The following SCNN1G variants were observed in gnomAD, a reference collection of about 807,000 sequenced individuals.
SCNN1G encodes sodium channel epithelial 1 subunit gamma.
A neutral mutation model predicts 64.6 loss-of-function variants in SCNN1G; 27 were observed. The observed-to-expected ratio is 0.42, with a 90% CI of 0.31 to 0.58. The LOEUF (loss-of-function observed/expected upper bound fraction) is 0.58, where lower values mean the gene tolerates loss of function less well. SCNN1G is among the 20% of genes least tolerant of loss of function. The pLI, the probability that SCNN1G is intolerant of heterozygous loss-of-function variation, is 0.18. For synonymous variants in SCNN1G, 330 were observed against 314.2 expected, an observed-to-expected ratio of 1.05 and a Z score of -0.53; for missense variants, 743 against 823.4, an observed-to-expected ratio of 0.90 and a Z score of 1.19.
chr16:23,184,457 T>G (rs982882106), intron 1 of SCNN1G, among the ~76,000 whole-genome samples: 11 of 152,138 alleles, frequency 7.2e-5, no homozygotes, highest in African/African-American at 2.7e-4. Flanking sequence ...TGGATTGTAG[T>G]GAGGGAGGAG....
intron 7 of SCNN1G, among the ~76,000 whole-genome samples, chr16:23,211,821 AAAAT>A (rs1303994573): frequency 6.6e-6 from 1 of 152,178 alleles, no homozygotes; most frequent in African/African-American, 2.4e-5. Context: ...AAAAACATAA[AAAAT>A]AAAAATAATA....
rs192906854 is a variant in SCNN1G, at chr16:23,192,998, G to A, written c.809+456G>A. Among the ~76,000 whole-genome samples, 815 of 149,790 alleles carry A rather than the reference G, an allele frequency of 5.4e-3. 4 individuals are homozygous for A. Among genetic ancestry groups the A allele is most frequent in the Middle Eastern group, 0.031 (9 of 294 alleles). The stretch of plus-strand genomic sequence containing the variant: ...GCAGAAGAATCGCTTGAACCCGGGA[G>A]GCGGAGGTTGCAATAAGCCAAGATT... On this transcript the variant is annotated intron_variant, in intron 4 of 12. Transcript: ENST00000300061.
chr16:23,214,894 G>A lies in SCNN1G; in HGVS notation c.1569+107G>A. 2.7e-6 allele frequency: 3 copies of A among 1,129,770 alleles called. No homozygotes were observed. In the South Asian group the frequency reaches 3.8e-5, roughly 14 times the overall value. 70.0% of individuals were successfully genotyped at this position (1,129,770 alleles called of 1,614,324 possible). ...GGTAGGGGGTTCCAGCCTACTCTAG[G>A]AGGGCTGTTGTAGGCTAGCCAGGTC... On this transcript the variant is annotated intron_variant, in intron 12 of 12. Transcript: ENST00000300061.
chr16:23,186,466 C>G lies in SCNN1G; in HGVS notation c.195C>G (p.Ala65=), dbSNP rs770267415. 1.2e-6 allele frequency: 2 copies of G among 1,614,152 alleles called. No homozygotes were observed. Among genetic ancestry groups the G allele is most frequent in the East Asian group, 2.2e-5 (1 of 44,872 alleles). Residue 65 remains alanine, a synonymous_variant, in exon 2 of 13, where the codon GCC becomes GCG. Coordinates refer to ENST00000300061, the MANE Select transcript of SCNN1G (RefSeq NM_001039.4). ...LWIGFTLTAV[A]LILWQCALLV... is the part of the protein sequence containing the mutation. ...TCGGGTTCACACTGACTGCCGTGGC[C>G]CTCATCCTCTGGCAGTGCGCCCTCC...
At chr16:23,184,397 G>A (rs1324806983) in intron 1 of SCNN1G, among the ~76,000 whole-genome samples, 5 of 151,888 alleles carry the variant, frequency 3.3e-5, no homozygotes, top group African/African-American at 9.7e-5. Flanking sequence ...ACAAACTCTC[G>A]CTAATTTTTT....
At chr16:23,194,001 C>T (rs1002665907) in intron 4 of SCNN1G, among the ~76,000 whole-genome samples, 170 bp from the exon 5 acceptor site, 3 of 152,208 alleles carry the variant, frequency 2.0e-5, no homozygotes, top group African/African-American at 7.2e-5. Flanking sequence ...GTGTGTCAAC[C>T]AGGATGAGGG....
intron 12 of SCNN1G, 42 bp downstream of exon 12, chr16:23,214,829 C>T: frequency 1.4e-6 from 2 of 1,481,318 alleles, no homozygotes; most frequent in Non-Finnish European, 1.9e-6. Context: ...CCTGGGCCTA[C>T]AAATGTGAGC....
chr16:23,212,050 G>C lies in SCNN1G; in HGVS notation c.1193G>C (p.Cys398Ser). The change falls in exon 8 of 13, where the codon TGC becomes TCC. Residue 398 changes from cysteine to serine, a missense_variant. Coordinates refer to ENST00000300061, the MANE Select transcript of SCNN1G (RefSeq NM_001039.4). ...AYSLQICLHS[C>S]FQTKMVEKCG... ...CTCTTTCAGATCTGCCTTCATTCATGCTTCCAGACAAAGATGGTGGAGAAA... is the reference window on the plus strand; with the variant it reads ...CTCTTTCAGATCTGCCTTCATTCATCCTTCCAGACAAAGATGGTGGAGAAA... 6.2e-7 allele frequency: 1 copy of C among 1,613,306 alleles called. No homozygotes were observed. The highest frequency in any genetic ancestry group is 1.1e-5 in the South Asian group (1 of 91,072).
chr16:23,207,697 C>T (rs1960012439), intron 6 of SCNN1G, among the ~76,000 whole-genome samples: 2 of 152,140 alleles, frequency 1.3e-5, no homozygotes, highest in African/African-American at 4.8e-5. Flanking sequence ...GCCACTTTCC[C>T]CTTTGTTTGC....
chr16:23,213,186 C>T (rs772046825), intron 11 of SCNN1G, 23 bp downstream of exon 11: 3 of 1,581,406 alleles, frequency 1.9e-6, no homozygotes, highest in Non-Finnish European at 2.6e-6. Flanking sequence ...TACCCTGTTC[C>T]TCTGTCTCTT....
chr16:23,211,208 T>C (rs1176753182), intron 7 of SCNN1G, among the ~76,000 whole-genome samples: 1 of 152,242 alleles, frequency 6.6e-6, no homozygotes, highest in African/African-American at 2.4e-5. Flanking sequence ...GTAACTTGCA[T>C]GATGCCAAAC....
At chr16:23,182,989 C>A (rs1959544936) in intron 1 of SCNN1G, among the ~76,000 whole-genome samples, 176 bp downstream of exon 1, 2 of 152,196 alleles carry the variant, frequency 1.3e-5, no homozygotes, top group Non-Finnish European at 2.9e-5. Context: ...TAGCGGCCAG[C>A]TCTCCCGGGT....
chr16:23,187,231 C>G (rs1489631856), intron 2 of SCNN1G, among the ~76,000 whole-genome samples: 1 of 151,800 alleles, frequency 6.6e-6, no homozygotes, highest in Non-Finnish European at 1.5e-5. Context: ...ACTGCAGCCT[C>G]CTGAGTAGCT....
rs9797083 is a variant in SCNN1G at position 23,186,852 on chromosome 16, C to T, written c.317+264C>T. On this transcript the variant is annotated intron_variant, in intron 2 of 12. Transcript: ENST00000300061. ...TTGAGATGGAGTTTCGCTCTTGTTG[C>T]CCAGGCTGGGATGCAGTGGTGCGAT... Among the ~76,000 whole-genome samples, 31,547 of 151,972 alleles carry T rather than the reference C, an allele frequency of 0.21. 3,632 individuals carry two copies. Among genetic ancestry groups the T allele is most frequent in the Admixed American group, 0.31 (4,692 of 15,260 alleles).
In SCNN1G at chr16:23,211,934, G is replaced by A. The variant is rs1311228156; in HGVS notation, c.1177-100G>A. 4 of 896,284 alleles carry A rather than the reference G, an allele frequency of 4.5e-6. No individual in the cohort carries two copies. The African/African-American group carries it at 6.5e-5, about 15-fold the overall frequency. The allele number at this position is 896,284 out of a possible 1,614,324, so 55.5% of individuals were successfully genotyped here. ...GGGGCAGGTTCATGTGGTTGGCCAA[G>A]GTTAAGGGAGGCTGACCCCCTGGGC... On this transcript the variant is annotated intron_variant, in intron 7 of 12. Coordinates refer to ENST00000300061, the MANE Select transcript of SCNN1G (RefSeq NM_001039.4).
intron 6 of SCNN1G, among the ~76,000 whole-genome samples, chr16:23,207,593 G>A (rs1006332999): frequency 6.6e-6 from 1 of 152,196 alleles, no homozygotes; most frequent in African/African-American, 2.4e-5. Context: ...CGGGTTGCAG[G>A]GCAAAGTAAA....
In SCNN1G at chr16:23,215,814, G is replaced by A. The variant is rs367897063; in HGVS notation, c.*345G>A. On this transcript the variant is annotated 3_prime_UTR_variant, in exon 13 of 13. Transcript: ENST00000300061. ...CTCTTTACGGGTCTTGAGAGGGAAG[G>A]ACTCTTCCAAAGCCCCAAAGCCGAG... 2 of 370,868 alleles carry A rather than the reference G, an allele frequency of 5.4e-6. No individual in the cohort carries two copies. Among genetic ancestry groups the A allele is most frequent in the African/African-American group, 4.1e-5 (2 of 48,350 alleles). The allele number at this position is 370,868 out of a possible 1,614,324, so 23.0% of individuals were successfully genotyped here. A position where few individuals can be genotyped will look rare whatever the true frequency, so the allele number is the denominator to read the frequency against.
At chr16:23,199,429 C>T (rs1959849139) in intron 6 of SCNN1G, among the ~76,000 whole-genome samples, 1 of 152,034 alleles carries the variant, frequency 6.6e-6, no homozygotes, top group Admixed American at 6.6e-5. Flanking sequence ...CGTGTATTTG[C>T]CCAGTTACTT....
At chr16:23,190,806 T>C (rs1253774003) in intron 3 of SCNN1G, among the ~76,000 whole-genome samples, 1 of 151,400 alleles carries the variant, frequency 6.6e-6, no homozygotes, top group Non-Finnish European at 1.5e-5. Flanking sequence ...TGACTTCATT[T>C]TCCCTTTTGG....
Sources: allele counts gnomAD v4.1 joint callset (sites outside exome capture counted in the v4.1 genomes callset), GRCh38; gene constraint gnomAD v4.1.1; transcripts MANE v1.5; gene names NCBI Gene and HGNC (gene_info 2026-07-23, HGNC 2026-07-21).